CCDC7: variants seen among roughly 807,000 people sequenced by gnomAD.
The protein encoded by CCDC7 is coiled-coil domain containing 7.
Under a neutral mutation model 196.9 loss-of-function variants are expected in CCDC7, and 183 were observed. The ratio of observed to expected loss-of-function variants is 0.93; its 90% CI spans 0.82 to 1.05. The LOEUF (loss-of-function observed/expected upper bound fraction) is 1.05, where lower values mean the gene tolerates loss of function less well. Among genes scored for constraint, CCDC7 ranks in the 50% least tolerant of loss-of-function variants. The pLI, the probability that CCDC7 is intolerant of heterozygous loss-of-function variation, is 0.00. For missense variants in CCDC7, 1,540 were observed against 1,482.2 expected, an observed-to-expected ratio of 1.04 and a Z score of -0.64; for synonymous variants, 525 against 484.6, an observed-to-expected ratio of 1.08 and a Z score of -1.10.
intron 8 of CCDC7, among the ~76,000 whole-genome samples, chr10:32,488,454 G>C (rs1243317319): frequency 6.6e-6 from 1 of 152,174 alleles, no homozygotes; most frequent in Non-Finnish European, 1.5e-5. Context: ...ATGCCTTGCT[G>C]TGCTTCGGCT....
intron 30 of CCDC7, 33 bp from the exon 32 acceptor site, chr10:32,814,337 T>A (rs774190660): frequency 7.3e-7 from 1 of 1,363,122 alleles, no homozygotes; most frequent in Admixed American, 1.7e-5. Flanking sequence ...AATGATTACC[T>A]TACAGTGTTT....
chr10:32,826,850 C>A (rs1264063370), intron 32 of CCDC7, among the ~76,000 whole-genome samples: 2 of 152,210 alleles, frequency 1.3e-5, no homozygotes, highest in African/African-American at 4.8e-5. Flanking sequence ...TGGTTGTGCA[C>A]TCTTCATGGA....
chr10:32,443,723 A>G (rs2030464029), upstream of CCDC7, among the ~76,000 whole-genome samples: 3 of 152,106 alleles, frequency 2.0e-5, no homozygotes, highest in South Asian at 6.2e-4. Flanking sequence ...GAAAACCTGT[A>G]GTATATGTCA....
intron 13 of CCDC7, among the ~76,000 whole-genome samples, chr10:32,564,416 G>A (rs1261441105): frequency 2.0e-5 from 3 of 152,152 alleles, no homozygotes; most frequent in Non-Finnish European, 4.4e-5. Flanking sequence ...GTCCAACAAC[G>A]ATAGACTGGA....
chr10:32,834,686 C>A, intron 32 of CCDC7, 129 bp from the exon 34 acceptor site: 2 of 437,106 alleles, frequency 4.6e-6, no homozygotes, highest in Non-Finnish European at 4.2e-6. Context: ...AATTCATCTT[C>A]TTTAATGACT....
chr10:32,639,050 T>C (rs1363434788), intron 20 of CCDC7, among the ~76,000 whole-genome samples: 3 of 152,208 alleles, frequency 2.0e-5, no homozygotes, highest in Non-Finnish European at 4.4e-5. Flanking sequence ...GATGGTAGTT[T>C]GTATTTCTGT....
intron 24 of CCDC7, among the ~76,000 whole-genome samples, chr10:32,699,996 C>G (rs1192389095): frequency 2.0e-5 from 3 of 149,446 alleles, no homozygotes; most frequent in East Asian, 3.9e-4. Flanking sequence ...TTCTCCCATT[C>G]TGTAGGTTGC....
At chr10:32,682,810 T>C (rs2076017044) in intron 21 of CCDC7, among the ~76,000 whole-genome samples, 1 of 152,198 alleles carries the variant, frequency 6.6e-6, no homozygotes, top group Non-Finnish European at 1.5e-5. Flanking sequence ...TAAGTGTCTG[T>C]TCATGTTCTT....
chr10:32,599,726 G>A (rs899016740), intron 18 of CCDC7, among the ~76,000 whole-genome samples: 1 of 152,046 alleles, frequency 6.6e-6, no homozygotes, highest in African/African-American at 2.4e-5. Flanking sequence ...ATACAATGGT[G>A]AAGTGTGAGA....
chr10:32,456,188 A>T, intron 2 of CCDC7, 63 bp from the exon 4 acceptor site: 1 of 1,350,472 alleles, frequency 7.4e-7, no homozygotes, highest in Non-Finnish European at 9.7e-7. Flanking sequence ...ATATGCTAGA[A>T]AAAGACAGAC....
intron 18 of CCDC7, among the ~76,000 whole-genome samples, chr10:32,589,661 A>G (rs1007393883): frequency 6.6e-6 from 1 of 152,268 alleles, no homozygotes; most frequent in Non-Finnish European, 1.5e-5. Context: ...GAAGTCTCCA[A>G]CTGTTACTGT....
At chr10:32,538,825 G>T (rs1293404105) in intron 11 of CCDC7, among the ~76,000 whole-genome samples, 1 of 152,148 alleles carries the variant, frequency 6.6e-6, no homozygotes, top group East Asian at 1.9e-4. Context: ...GCATCCCAGG[G>T]ATAGAGCCTA....
chr10:32,653,462 T>C (rs917697230), intron 20 of CCDC7, among the ~76,000 whole-genome samples: 5 of 152,222 alleles, frequency 3.3e-5, no homozygotes, highest in Non-Finnish European at 5.9e-5. Flanking sequence ...GACTGTACTT[T>C]CTGCTCTCTT....
At chr10:32,468,455 T>C (rs1468918207) in intron 5 of CCDC7, among the ~76,000 whole-genome samples, 3 of 152,252 alleles carry the variant, frequency 2.0e-5, no homozygotes, top group Admixed American at 1.3e-4. Flanking sequence ...TCGCTGAGGC[T>C]GTTTATCAGC....
chr10:32,759,634 A>T (rs1258306098), intron 28 of CCDC7, among the ~76,000 whole-genome samples: 1 of 152,246 alleles, frequency 6.6e-6, no homozygotes, highest in African/African-American at 2.4e-5. Flanking sequence ...CTAATACCAT[A>T]AAAACCCTAG....
intron 28 of CCDC7, among the ~76,000 whole-genome samples, chr10:32,760,041 T>G (rs1417135910): frequency 1.3e-5 from 2 of 151,814 alleles, no homozygotes; most frequent in Non-Finnish European, 2.9e-5. Context: ...AAAACCACAA[T>G]GAGATACCAT....
intron 33 of CCDC7, among the ~76,000 whole-genome samples, chr10:32,839,139 A>G (rs1466790240): frequency 6.6e-6 from 1 of 151,978 alleles, no homozygotes; most frequent in Non-Finnish European, 1.5e-5. Flanking sequence ...CTCACATCTC[A>G]ATACTAACAT....
chr10:32,467,106 CT>C (rs35747517), intron 5 of CCDC7, among the ~76,000 whole-genome samples: 20,131 of 142,476 alleles, frequency 0.14, 1,552 homozygotes, highest in East Asian at 0.25. Context: ...CCTTTGTCCA[CT>C]TTTTTTTTTT....
chr10:32,634,095 C>T (rs2139576626), intron 18 of CCDC7, among the ~76,000 whole-genome samples, 159 bp from the exon 20 acceptor site: 1 of 152,188 alleles, frequency 6.6e-6, no homozygotes, highest in Non-Finnish European at 1.5e-5. Context: ...TAAAACTTCT[C>T]ACAATTTTCA....
Sources: allele counts gnomAD v4.1 joint callset (sites outside exome capture counted in the v4.1 genomes callset), GRCh38; gene constraint gnomAD v4.1.1; transcripts MANE v1.5; gene names NCBI Gene and HGNC (gene_info 2026-07-23, HGNC 2026-07-21).